STRAP: variants seen among roughly 807,000 people sequenced by gnomAD.
STRAP encodes the protein serine/threonine kinase receptor associated protein, also known as serine-threonine kinase receptor-associated protein.
A neutral mutation model predicts 47.0 loss-of-function variants in STRAP; 16 were observed. The observed-to-expected ratio is 0.34, with a 90% CI of 0.23 to 0.52. The LOEUF is 0.52. Among genes scored for constraint, STRAP ranks in the 20% least tolerant of loss-of-function variants. The pLI, the probability that STRAP is intolerant of heterozygous loss-of-function variation, is 0.96. For synonymous variants in STRAP, 130 were observed against 142.7 expected (o/e 0.91, Z 0.63); for missense variants, 293 against 420.0 (o/e 0.70, Z 2.64).
Position 15,890,274 on chromosome 12 carries a change from C to T in STRAP, c.330+265C>T, listed in dbSNP as rs1948004323. Among the ~76,000 whole-genome samples, 1 of 152,114 alleles carries T rather than the reference C, an allele frequency of 6.6e-6. No individual in the cohort carries two copies. The highest frequency in any genetic ancestry group is 2.1e-4 in the South Asian group (1 of 4,826). On this transcript the variant is annotated intron_variant, in intron 3 of 9. Coordinates refer to ENST00000419869, the MANE Select transcript of STRAP (RefSeq NM_007178.4). This position sits in a 1 kb window ranked among gnomAD's most constrained non-coding sequence, Gnocchi z 4.5. ...TCTGAAAAGCTCAAGTAGCCTTCCCCAACTACTAATAGAAGGGAGAAGATA... is the reference window on the plus strand; with the variant it reads ...TCTGAAAAGCTCAAGTAGCCTTCCCTAACTACTAATAGAAGGGAGAAGATA...
chr12:15,883,619 G>A lies in STRAP; in HGVS notation c.191G>A (p.Gly64Asp). 6.2e-7 allele frequency: 1 copy of A among 1,614,182 alleles called. No homozygotes were observed. Among genetic ancestry groups the A allele is most frequent in the Non-Finnish European group, 8.5e-7 (1 of 1,180,024 alleles). ...TTGGGTCATAAAGGTGCTGTTTGGG[G>A]TGCAACACTGAATAAGGATGCCACC... ...TFLGHKGAVW[G>D]ATLNKDATKA... The change falls in exon 2 of 10, where the codon GGT (glycine) becomes GAT (aspartate). Residue 64 changes from glycine (G) to aspartate (D), a missense_variant. Physicochemically the swap from Gly to Asp is moderately conservative, Grantham distance 94. Coordinates refer to ENST00000419869, the MANE Select transcript of STRAP (RefSeq NM_007178.4).
At position 15,890,159 on chromosome 12, in the gene STRAP, T is replaced by A. The variant is rs1591985228; in HGVS notation, c.330+150T>A. Reference sequence around the variant, plus strand: ...GGTTCATATTTGATTTGATTGTGTATTAAGCTCTATGAATTTGTTTCATAG... The same window carrying A: ...GGTTCATATTTGATTTGATTGTGTAATAAGCTCTATGAATTTGTTTCATAG... On this transcript the variant is annotated intron_variant, in intron 3 of 9. Coordinates refer to ENST00000419869, the MANE Select transcript of STRAP (RefSeq NM_007178.4). The surrounding 1 kb of genome is among the most constrained non-coding windows in gnomAD (Gnocchi z 4.5). 2.6e-6 allele frequency: 2 copies of A among 773,456 alleles called. No individual in the cohort carries two copies. Among genetic ancestry groups the A allele is most frequent in the Middle Eastern group, 6.7e-4 (2 of 2,966 alleles). 47.9% of individuals were successfully genotyped at this position (773,456 alleles called of 1,614,324 possible). A position where few individuals can be genotyped will look rare whatever the true frequency, so the allele number is the denominator to read the frequency against.
intron 9 of STRAP, 107 bp from the exon 10 acceptor site, chr12:15,902,810 A>G (rs1022640445): frequency 7.5e-7 from 1 of 1,341,454 alleles, no homozygotes; most frequent in South Asian, 1.7e-5. Flanking sequence ...AGTATGCTTT[A>G]CAAACACTTT....
Position 15,882,728 on chromosome 12 carries a change from G to A in STRAP, c.21G>A (p.Pro7=). MAMRQT[P]LTCSGHTRPV... Reference sequence around the variant, plus strand: ...CCGCCATGGCAATGAGACAGACGCCGCTCACCTGCTCTGGCCACACGCGAC... The same window carrying A: ...CCGCCATGGCAATGAGACAGACGCCACTCACCTGCTCTGGCCACACGCGAC... Residue 7 remains proline, a synonymous_variant, in exon 1 of 10, where the codon CCG becomes CCA. Coordinates refer to ENST00000419869, the MANE Select transcript of STRAP (RefSeq NM_007178.4). 1 of 1,596,120 alleles carries A rather than the reference G, an allele frequency of 6.3e-7. No individual in the cohort carries two copies.
chr12:15,883,595 T>G lies in STRAP; in HGVS notation c.167T>G (p.Leu56Trp), dbSNP rs1459523849. ...ACAGGAGACTGGATTGGAACATTTT[T>G]GGGTCATAAAGGTGCTGTTTGGGGT... is the stretch of plus-strand genomic sequence containing the variant. ...GDTGDWIGTF[L>W]GHKGAVWGAT... The change falls in exon 2 of 10, where the codon TTG (leucine) becomes TGG (tryptophan). Residue 56 changes from leucine (L) to tryptophan (W), a missense_variant. Leu to Trp is a moderately conservative substitution (Grantham distance 61). Transcript: ENST00000419869. The G allele has an allele frequency of 6.2e-7, 1 of 1,614,194 alleles. No individual in the cohort carries two copies.
intron 2 of STRAP, among the ~76,000 whole-genome samples, chr12:15,884,507 C>CTTT (rs879449752): frequency 7.1e-5 from 10 of 140,992 alleles, no homozygotes; most frequent in African/African-American, 2.6e-4. Context: ...ATTTTTAAAA[C>CTTT]TTTTTTTTTT....
Position 15,894,161 on chromosome 12 carries a change from A to T in STRAP, c.500+18A>T. 1 of 1,597,268 alleles carries T rather than the reference A, an allele frequency of 6.3e-7. No homozygotes were observed. The highest frequency in any genetic ancestry group is 1.1e-5 in the South Asian group (1 of 90,634). ...ACTGTTCGGTAAGTAATTTTTCTTT[A>T]ATAATTTACAATTTAAGGCCGGGCA... On this transcript the variant is annotated intron_variant, in intron 5 of 9. Coordinates refer to ENST00000419869, the MANE Select transcript of STRAP (RefSeq NM_007178.4). The surrounding 1 kb of genome is among the most constrained non-coding windows in gnomAD (Gnocchi z 4.9).
At chr12:15,895,097 G>A (rs1948049150) in intron 5 of STRAP, among the ~76,000 whole-genome samples, 1 of 152,176 alleles carries the variant, frequency 6.6e-6, no homozygotes, top group African/African-American at 2.4e-5. Flanking sequence ...ATTAGAACTT[G>A]TCTTAATAAT....
In STRAP at chr12:15,895,625, G is replaced by T. The variant is rs73321474; in HGVS notation, c.638+129G>T. The T allele has an allele frequency of 3.2e-3, 3,028 of 958,922 alleles. 66 individuals carry two copies. The African/African-American group carries it at 0.047, about 15-fold the overall frequency. The allele number at this position is 958,922 out of a possible 1,614,324, so 59.4% of individuals were successfully genotyped here. Reference sequence around the variant, plus strand: ...GGAGTGGTGGCTTATGCCTATAATCGCAGTACCTTGGGAAGCTGAGGTGGG... The same window carrying T: ...GGAGTGGTGGCTTATGCCTATAATCTCAGTACCTTGGGAAGCTGAGGTGGG... On this transcript the variant is annotated intron_variant, in intron 6 of 9. Coordinates refer to ENST00000419869, the MANE Select transcript of STRAP (RefSeq NM_007178.4).
Position 15,882,447 on chromosome 12 carries a change from C to T in STRAP, c.-261C>T. ...GTGAATCGTGGCTGGCCCGGTTCTC[C>T]GCTTCTCCCCATCCCCTACTTTCCT... On this transcript the variant is annotated 5_prime_UTR_variant, in exon 1 of 10. Coordinates refer to ENST00000419869, the MANE Select transcript of STRAP (RefSeq NM_007178.4). 1.9e-6 allele frequency: 1 copy of T among 517,608 alleles called. No homozygotes were observed. The highest frequency in any genetic ancestry group is 3.5e-6 in the Non-Finnish European group (1 of 288,710). The allele number at this position is 517,608 out of a possible 1,614,324, so 32.1% of individuals were successfully genotyped here. A position where few individuals can be genotyped will look rare whatever the true frequency, so the allele number is the denominator to read the frequency against.
chr12:15,885,902 T>C (rs1448854119), intron 2 of STRAP, among the ~76,000 whole-genome samples: 1 of 152,202 alleles, frequency 6.6e-6, no homozygotes, highest in Non-Finnish European at 1.5e-5. Context: ...GTGTTACATA[T>C]GTAAAGTAAC....
At position 15,903,142 on chromosome 12, in the gene STRAP, C is replaced by T. The variant is rs1233895686; in HGVS notation, c.*164C>T. On this transcript the variant is annotated 3_prime_UTR_variant, in exon 10 of 10. Coordinates refer to ENST00000419869, the MANE Select transcript of STRAP (RefSeq NM_007178.4). ...GAACAACTAACTAACTTGGTGTTAC[C>T]TGTAAGTGAAAACTCAAGTGTCAGA... is the stretch of plus-strand genomic sequence containing the variant. The T allele has an allele frequency of 3.0e-6, 2 of 666,292 alleles. No individual in the cohort carries two copies. Among genetic ancestry groups the T allele is most frequent in the Non-Finnish European group, 4.5e-6 (2 of 447,446 alleles). 41.3% of individuals were successfully genotyped at this position (666,292 alleles called of 1,614,324 possible). A position where few individuals can be genotyped will look rare whatever the true frequency, so the allele number is the denominator to read the frequency against.
chr12:15,893,009 C>T (rs1200892725), intron 4 of STRAP, among the ~76,000 whole-genome samples: 1 of 152,154 alleles, frequency 6.6e-6, no homozygotes, highest in Admixed American at 6.6e-5. Context: ...CCATTGTTAT[C>T]TCATTTTACA....
At chr12:15,885,651 A>T (rs112086059) in intron 2 of STRAP, among the ~76,000 whole-genome samples, 1 of 145,740 alleles carries the variant, frequency 6.9e-6, no homozygotes, top group Non-Finnish European at 1.5e-5. Context: ...TTATTGAAAC[A>T]GTGTTGTTTT....
chr12:15,891,992 G>A (rs1948019707), intron 4 of STRAP, among the ~76,000 whole-genome samples: 1 of 152,092 alleles, frequency 6.6e-6, no homozygotes, highest in African/African-American at 2.4e-5. Flanking sequence ...TACTACCAAA[G>A]TGTCTTCCAA....
At chr12:15,893,310 C>A (rs1038847648) in intron 4 of STRAP, among the ~76,000 whole-genome samples, 1 of 151,514 alleles carries the variant, frequency 6.6e-6, no homozygotes, top group African/African-American at 2.4e-5. Context: ...ATAAACGTCC[C>A]AGAGTTAGCC....
At chr12:15,895,857 CCT>C (rs1304948533) in intron 6 of STRAP, among the ~76,000 whole-genome samples, 1 of 143,486 alleles carries the variant, frequency 7.0e-6, no homozygotes, top group Non-Finnish European at 1.5e-5. Context: ...AGCAAAACCT[CCT>C]CTGAAAAAAA....
At chr12:15,893,941 A>T in intron 4 of STRAP, 106 bp from the exon 5 acceptor site, 2 of 864,038 alleles carry the variant, frequency 2.3e-6, no homozygotes, top group Non-Finnish European at 3.7e-6. Context: ...GAAAAGTTGC[A>T]GTCTAATTTA....
chr12:15,891,128 T>G (rs1225245164), intron 4 of STRAP, among the ~76,000 whole-genome samples: 2 of 152,154 alleles, frequency 1.3e-5, no homozygotes, highest in Non-Finnish European at 2.9e-5. Context: ...GTTTATAAAC[T>G]TTCAGTCTTT....
Sources: gnomAD v4.1 joint callset for allele counts (sites outside exome capture counted in the v4.1 genomes callset) on GRCh38, gnomAD v4.1.1 for gene constraint, Gnocchi (gnomAD v3.1) non-coding constraint, MANE v1.5 for transcripts, NCBI Gene and HGNC (gene_info 2026-07-23, HGNC 2026-07-21) for gene names.